DLG2: variants seen among roughly 807,000 people sequenced by gnomAD.
The protein encoded by DLG2 is discs large MAGUK scaffold protein 2, also known as disks large homolog 2.
Under a neutral mutation model 132.5 loss-of-function variants are expected in DLG2, and 45 were observed. That is an observed-to-expected ratio of 0.34 (90% CI 0.27 to 0.44). The LOEUF is 0.44. Ranked by LOEUF, DLG2 falls within the 20% of genes least tolerant of loss-of-function variation. The pLI is 1.00. For missense variants in DLG2, 1,045 were observed against 1,196.9 expected (o/e 0.87, Z 1.87); for synonymous variants, 424 against 419.6 (o/e 1.01, Z -0.13).
chr11:84,229,709 G>A (rs1806920094), intron 8 of DLG2, among the ~76,000 whole-genome samples: 1 of 152,172 alleles, frequency 6.6e-6, no homozygotes, highest in African/African-American at 2.4e-5. Flanking sequence ...GCTTGGGTTT[G>A]AGTACTGGCT....
chr11:84,354,876 CA>C (rs980549598), intron 7 of DLG2, among the ~76,000 whole-genome samples: 3 of 152,098 alleles, frequency 2.0e-5, no homozygotes, highest in African/African-American at 7.2e-5. Context: ...AAAGTAGAGA[CA>C]AAAACAGAAA....
intron 10 of DLG2, among the ~76,000 whole-genome samples, chr11:84,094,614 C>T (rs1421400113): frequency 6.6e-6 from 1 of 152,100 alleles, no homozygotes; most frequent in East Asian, 1.9e-4. Context: ...ATAGATAATG[C>T]CTTTAGATAT....
intron 22 of DLG2, among the ~76,000 whole-genome samples, chr11:83,477,356 A>G (rs1364167883): frequency 3.3e-5 from 5 of 152,122 alleles, no homozygotes; most frequent in East Asian, 1.9e-4. Context: ...GTTTTGCACA[A>G]TTAGACAATG....
At chr11:85,335,978 T>G (rs1565341230) in intron 3 of DLG2, 1 of 152,230 alleles carries the variant, frequency 6.6e-6, no homozygotes, top group Non-Finnish European at 1.5e-5. Flanking sequence ...ATCTTCTATT[T>G]GCACATGCTG....
At chr11:84,991,222 T>C (rs1382973071) in intron 6 of DLG2, among the ~76,000 whole-genome samples, 1 of 151,926 alleles carries the variant, frequency 6.6e-6, no homozygotes, top group Non-Finnish European at 1.5e-5. Context: ...AAGAAGAAAG[T>C]GGGGATGTTG....
At chr11:83,740,120 C>T (rs988336986) in intron 18 of DLG2, among the ~76,000 whole-genome samples, 1 of 152,172 alleles carries the variant, frequency 6.6e-6, no homozygotes, top group Non-Finnish European at 1.5e-5. Context: ...TAAGCAGTTG[C>T]TCCTAAAGCT....
chr11:84,576,811 A>G (rs902945429), intron 6 of DLG2, among the ~76,000 whole-genome samples: 14 of 152,202 alleles, frequency 9.2e-5, no homozygotes, highest in African/African-American at 2.9e-4. Flanking sequence ...AGATTTCCCT[A>G]CAATATTAAA....
Position 85,316,004 on chromosome 11 carries a change from C to T in DLG2, c.41-30639G>A, listed in dbSNP as rs143896353. Among the ~76,000 whole-genome samples, 377 of 152,060 alleles carry T rather than the reference C, an allele frequency of 2.5e-3. 5 individuals carry two copies. The highest frequency in any genetic ancestry group is 8.6e-3 in the African/African-American group (358 of 41,506). ...GCTGTGTCCCTCCCCTCTCTGAGGA[C>T]GATTTGACCCCAATTCATAACAGGA... On this transcript the variant is annotated intron_variant, in intron 3 of 27. Coordinates refer to ENST00000376104, the MANE Select transcript of DLG2 (RefSeq NM_001142699.3).
intron 6 of DLG2, among the ~76,000 whole-genome samples, chr11:84,540,999 C>T (rs868848678): frequency 1.2e-4 from 18 of 152,098 alleles, no homozygotes; most frequent in Admixed American, 4.6e-4. Flanking sequence ...AATGAGAACA[C>T]TTGGACACAG....
At chr11:83,692,701 T>C (rs1468734797) in intron 18 of DLG2, among the ~76,000 whole-genome samples, 1 of 152,226 alleles carries the variant, frequency 6.6e-6, no homozygotes, top group Admixed American at 6.5e-5. Flanking sequence ...AAATGCTTTA[T>C]AAATGTTAAT....
rs138890437 is a variant in DLG2 at position 84,078,160 on chromosome 11, T to C, written c.750-18676A>G. On this transcript the variant is annotated intron_variant, in intron 10 of 27. Transcript: ENST00000376104. The stretch of plus-strand genomic sequence containing the variant: ...CAAAATCAGTCCATGTTTCCATAGA[T>C]TAATATGAATTAAAGTTAAGAGTAA... Among the ~76,000 whole-genome samples, 48 of 152,266 alleles carry C rather than the reference T, an allele frequency of 3.2e-4. 1 individual carries two copies. The East Asian group carries it at 8.7e-3, about 28-fold the overall frequency.
chr11:85,607,476 G>A (rs11606688), intron 2 of DLG2, among the ~76,000 whole-genome samples: 30,750 of 152,128 alleles, frequency 0.2, 3,454 homozygotes, highest in East Asian at 0.38. Flanking sequence ...GGGTCCTAAC[G>A]CCTGCCAGAT....
At chr11:84,534,975 C>T (rs934906565) in intron 6 of DLG2, among the ~76,000 whole-genome samples, 3 of 152,068 alleles carry the variant, frequency 2.0e-5, no homozygotes, top group African/African-American at 4.8e-5. Flanking sequence ...AATATACTCT[C>T]TTTGTTTATG....
At chr11:84,536,824 C>G (rs1307597671) in intron 6 of DLG2, among the ~76,000 whole-genome samples, 1 of 152,158 alleles carries the variant, frequency 6.6e-6, no homozygotes, top group Non-Finnish European at 1.5e-5. Flanking sequence ...AGTCCACACT[C>G]TCCTTATTCT....
intron 6 of DLG2, among the ~76,000 whole-genome samples, chr11:84,619,277 T>C (rs980971486): frequency 6.6e-6 from 1 of 151,850 alleles, no homozygotes; most frequent in Admixed American, 6.6e-5. Context: ...AATAAATATT[T>C]GTAAATAGGT....
chr11:85,163,919 C>A (rs1193853408), intron 4 of DLG2, among the ~76,000 whole-genome samples: 1 of 152,082 alleles, frequency 6.6e-6, no homozygotes, highest in Non-Finnish European at 1.5e-5. Flanking sequence ...CATGTGTACC[C>A]ATGTATGCAT....
intron 4 of DLG2, among the ~76,000 whole-genome samples, chr11:85,279,023 T>C (rs1384854474): frequency 1.3e-5 from 2 of 152,180 alleles, no homozygotes; most frequent in Non-Finnish European, 2.9e-5. Flanking sequence ...TGTTATTTCC[T>C]CTAAAGTATA....
intron 6 of DLG2, among the ~76,000 whole-genome samples, chr11:85,034,916 C>G (rs1417122644): frequency 1.3e-5 from 2 of 152,146 alleles, no homozygotes; most frequent in Non-Finnish European, 2.9e-5. Context: ...ATTGAAGCAT[C>G]TGCATTTGAA....
chr11:85,269,658 G>C (rs1343593799), intron 4 of DLG2, among the ~76,000 whole-genome samples: 2 of 152,176 alleles, frequency 1.3e-5, no homozygotes, highest in East Asian at 3.9e-4. Flanking sequence ...GTTCACAATA[G>C]TGTTAATGTT....
Sources: gnomAD v4.1 joint callset for allele counts (sites outside exome capture counted in the v4.1 genomes callset) on GRCh38, gnomAD v4.1.1 for gene constraint, MANE v1.5 for transcripts, NCBI Gene and HGNC (gene_info 2026-07-23, HGNC 2026-07-21) for gene names.